Variants in OR10G7 observed in about 807,000 individuals in gnomAD.
The protein encoded by OR10G7 is olfactory receptor 10G7.
For synonymous variants in OR10G7, 165 were observed against 167.4 expected, an observed-to-expected ratio of 0.99 and a Z score of 0.11; for missense variants, 338 against 382.1, an observed-to-expected ratio of 0.88 and a Z score of 0.96.
Position 124,036,840 on chromosome 11 carries a change from C to T in OR10G7, c.*1226G>A, listed in dbSNP as rs541354221. 1 of 152,232 alleles carries T rather than the reference C, an allele frequency of 6.6e-6. No homozygotes were observed. Among genetic ancestry groups the T allele is most frequent in the Non-Finnish European group, 1.5e-5 (1 of 68,002 alleles). 9.4% of individuals were successfully genotyped at this position (152,232 alleles called of 1,614,324 possible). ...AGTATGTTTTTCTTCTCAATATCACCGCACAGTTTACTTGGAGCAAGATAT... is the reference window on the plus strand; with the variant it reads ...AGTATGTTTTTCTTCTCAATATCACTGCACAGTTTACTTGGAGCAAGATAT... On this transcript the variant is annotated 3_prime_UTR_variant, in exon 2 of 2. Transcript: ENST00000641585.
At position 124,038,364 on chromosome 11, in the gene OR10G7, A is replaced by G. The variant is rs573282156; in HGVS notation, c.638T>C (p.Ile213Thr). 27 of 1,614,176 alleles carry G rather than the reference A, an allele frequency of 1.7e-5. No homozygotes were observed. The Admixed American group carries it at 2.2e-4, about 13-fold the overall frequency. The change falls in exon 2 of 2, where the codon ATA becomes ACA. Residue 213 changes from isoleucine to threonine, a missense_variant. Coordinates refer to ENST00000641585, the MANE Select transcript of OR10G7 (RefSeq NM_001004463.2). ...GLVASGCFVL[I>T]VLSYVSIVCS... ...GACGATGGACACATAGGACAGCACT[A>G]TCAGGACAAAGCAGCCCGAGGCCAC...
Position 124,037,997 on chromosome 11 carries a change from G to T in OR10G7, c.*69C>A. 1 of 987,458 alleles carries T rather than the reference G, an allele frequency of 1.0e-6. No homozygotes were observed. Among genetic ancestry groups the T allele is most frequent in the Non-Finnish European group, 1.5e-6 (1 of 671,334 alleles). 61.2% of individuals were successfully genotyped at this position (987,458 alleles called of 1,614,324 possible). On this transcript the variant is annotated 3_prime_UTR_variant, in exon 2 of 2. Coordinates refer to ENST00000641585, the MANE Select transcript of OR10G7 (RefSeq NM_001004463.2). ...TTGAAATGCTCCATTCAAGTATAAT[G>T]CTTATGTTGAAGGTTTAATTTAATT... is the stretch of plus-strand genomic sequence containing the variant.
chr11:124,040,632 C>T (rs565811110), intron 1 of OR10G7, among the ~76,000 whole-genome samples: 72 of 152,160 alleles, frequency 4.7e-4, no homozygotes, highest in Non-Finnish European at 8.2e-4. Flanking sequence ...GAGTTGGAAA[C>T]TCAGAGTTGC....
rs1864198271 is a variant in OR10G7 at position 124,037,131 on chromosome 11, C to A, written c.*935G>T. The A allele has an allele frequency of 6.6e-6, 1 of 152,156 alleles. No individual in the cohort carries two copies. Among genetic ancestry groups the A allele is most frequent in the Non-Finnish European group, 1.5e-5 (1 of 68,026 alleles). 9.4% of individuals were successfully genotyped at this position (152,156 alleles called of 1,614,324 possible). A position where few individuals can be genotyped will look rare whatever the true frequency, so the allele number is the denominator to read the frequency against. ...TATAAGGTTCATGGTCTGAGCCTTA[C>A]CTACCCAGAGAGTGTACAGAGTCCA... On this transcript the variant is annotated 3_prime_UTR_variant, in exon 2 of 2. Coordinates refer to ENST00000641585, the MANE Select transcript of OR10G7 (RefSeq NM_001004463.2).
At position 124,038,288 on chromosome 11, in the gene OR10G7, C is replaced by G; in HGVS notation, c.714G>C (p.Gln238His). ...CCACGATACAGTGGGAGGCACAGGT[C>G]TGAAAGGCTCTGTGCCTCCCCTCTG... ...RTSEGRHRAF[Q>H]TCASHCIVVL... is the part of the protein sequence containing the mutation. The change falls in exon 2 of 2, where the codon CAG becomes CAC. Residue 238 changes from glutamine to histidine, a missense_variant. Transcript: ENST00000641585. 1 of 1,614,100 alleles carries G rather than the reference C, an allele frequency of 6.2e-7. No individual in the cohort carries two copies. Among genetic ancestry groups the G allele is most frequent in the Non-Finnish European group, 8.5e-7 (1 of 1,180,032 alleles).
rs555381519 is a variant in OR10G7, at chr11:124,040,734, A to G, written c.-21+152T>C. 1.2e-3 allele frequency among the ~76,000 whole-genome samples: 188 copies of G among 152,264 alleles called. 1 individual carries two copies. The highest frequency in any genetic ancestry group is 4.4e-3 in the African/African-American group (184 of 41,504). ...AGAACCACAAAAAGTTGGCTCTGTA[A>G]GTCATGACTAAGATAATCTAGCTTC... On this transcript the variant is annotated intron_variant, in intron 1 of 1. Coordinates refer to ENST00000641585, the MANE Select transcript of OR10G7 (RefSeq NM_001004463.2).
rs916749296 is a variant in OR10G7, at chr11:124,037,004, A to G, written c.*1062T>C. On this transcript the variant is annotated 3_prime_UTR_variant, in exon 2 of 2. Transcript: ENST00000641585. ...TTTTACTCTTCATGCTATGCTAGGCAGAGTTGGCATGACCAGGATACCTGT... is the reference window on the plus strand; with the variant it reads ...TTTTACTCTTCATGCTATGCTAGGCGGAGTTGGCATGACCAGGATACCTGT... 7 of 152,228 alleles carry G rather than the reference A, an allele frequency of 4.6e-5. No individual in the cohort carries two copies. Among genetic ancestry groups the G allele is most frequent in the Admixed American group, 4.6e-4 (7 of 15,282 alleles). The allele number at this position is 152,228 out of a possible 1,614,324, so 9.4% of individuals were successfully genotyped here. A position where few individuals can be genotyped will look rare whatever the true frequency, so the allele number is the denominator to read the frequency against.
chr11:124,039,129 T>C, intron 1 of OR10G7, 108 bp from the exon 2 acceptor site: 2 of 1,139,450 alleles, frequency 1.8e-6, no homozygotes, highest in Non-Finnish European at 1.2e-6. Flanking sequence ...AATTATTTTT[T>C]ATATTTTATA....
At chr11:124,039,412 C>A (rs969325320) in intron 1 of OR10G7, among the ~76,000 whole-genome samples, 2 of 152,076 alleles carry the variant, frequency 1.3e-5, no homozygotes, top group Non-Finnish European at 2.9e-5. Context: ...TATAGATACG[C>A]ATGCACACAC....
In OR10G7 at chr11:124,040,569, G is replaced by T. The variant is rs192675475; in HGVS notation, c.-21+317C>A. Among the ~76,000 whole-genome samples, 15 of 146,270 alleles carry T rather than the reference G, an allele frequency of 1.0e-4. No homozygotes were observed. In the East Asian group the frequency reaches 1.9e-3, roughly 19 times the overall value. ...CATAAATCAGCAATACATTTTTTGT[G>T]GGGGGGGCTCTGACAGAAGCAGACT... On this transcript the variant is annotated intron_variant, in intron 1 of 1. Transcript: ENST00000641585.
intron 1 of OR10G7, among the ~76,000 whole-genome samples, chr11:124,039,885 A>G (rs1864229394): frequency 6.6e-6 from 1 of 151,986 alleles, no homozygotes; most frequent in Non-Finnish European, 1.5e-5. Context: ...TCTAACTAAG[A>G]TCCTCCCCCT....
rs1358369408 is a variant in OR10G7 at position 124,041,207 on chromosome 11, A to G, written c.-342T>C. 1 of 152,154 alleles carries G rather than the reference A, an allele frequency of 6.6e-6. No homozygotes were observed. The highest frequency in any genetic ancestry group is 1.5e-5 in the Non-Finnish European group (1 of 68,042). 9.4% of individuals were successfully genotyped at this position (152,154 alleles called of 1,614,324 possible). Reference sequence around the variant, plus strand: ...TAGCCAAAAATCAACTTCCAAAATGAATAACTATGACACTCTGGATCTGAA... The same window carrying G: ...TAGCCAAAAATCAACTTCCAAAATGGATAACTATGACACTCTGGATCTGAA... On this transcript the variant is annotated 5_prime_UTR_variant, in exon 1 of 2. Transcript: ENST00000641585.
At position 124,041,009 on chromosome 11, in the gene OR10G7, TA is replaced by T. The variant is rs566445532; in HGVS notation, c.-145del. 1.1e-3 allele frequency: 162 copies of T among 152,280 alleles called. No homozygotes were observed. The highest frequency in any genetic ancestry group is 3.7e-3 in the African/African-American group (154 of 41,526). 9.4% of individuals were successfully genotyped at this position (152,280 alleles called of 1,614,324 possible). ...ATGAAACCACAGAAGAAACTCTTTT[TA>T]AATAGAACTTAATATGAATTTGATG... On this transcript the variant is annotated 5_prime_UTR_variant, in exon 1 of 2. It introduces an in-frame stop codon into an upstream open reading frame of the 5' UTR. Transcript: ENST00000641585.
In OR10G7 at chr11:124,036,185, C is replaced by T. The variant is rs993203850; in HGVS notation, c.*1881G>A. 1.3e-5 allele frequency: 2 copies of T among 152,188 alleles called. No individual in the cohort carries two copies. The highest frequency in any genetic ancestry group is 4.8e-5 in the African/African-American group (2 of 41,452). The allele number at this position is 152,188 out of a possible 1,614,324, so 9.4% of individuals were successfully genotyped here. A position where few individuals can be genotyped will look rare whatever the true frequency, so the allele number is the denominator to read the frequency against. ...TTGGGGGAAACTGGGCAAGGTATAA[C>T]AAGAACTATCACTGTGTTATTTCTT... is the stretch of plus-strand genomic sequence containing the variant. On this transcript the variant is annotated 3_prime_UTR_variant, in exon 2 of 2. Coordinates refer to ENST00000641585, the MANE Select transcript of OR10G7 (RefSeq NM_001004463.2).
chr11:124,037,945 G>T lies in OR10G7; in HGVS notation c.*121C>A. On this transcript the variant is annotated 3_prime_UTR_variant, in exon 2 of 2. Coordinates refer to ENST00000641585, the MANE Select transcript of OR10G7 (RefSeq NM_001004463.2). ...GAAAAAAATGAAAAATTAATTAACT[G>T]TCCAATTAAAAATTAAGACTGAATA... 1 of 659,410 alleles carries T rather than the reference G, an allele frequency of 1.5e-6. No individual in the cohort carries two copies. The highest frequency in any genetic ancestry group is 2.4e-6 in the Non-Finnish European group (1 of 415,318). The allele number at this position is 659,410 out of a possible 1,614,324, so 40.8% of individuals were successfully genotyped here.
Position 124,038,621 on chromosome 11 carries a change from G to A in OR10G7, c.381C>T (p.Tyr127=), listed in dbSNP as rs369766733. ...TCATCATGTTGGTGTACCTGAGCGG[G>A]TAACTGATGGCCAGGTAGCGATCAT... is the stretch of plus-strand genomic sequence containing the variant. ...MSYDRYLAIS[Y]PLRYTNMMTG... The change falls in exon 2 of 2, where the codon TAC becomes TAT. Residue 127 remains tyrosine (Y), a synonymous_variant. Coordinates refer to ENST00000641585, the MANE Select transcript of OR10G7 (RefSeq NM_001004463.2). 68 of 1,613,876 alleles carry A rather than the reference G, an allele frequency of 4.2e-5. No homozygotes were observed. Among genetic ancestry groups the A allele is most frequent in the Non-Finnish European group, 5.4e-5 (64 of 1,179,984 alleles).
In OR10G7 at chr11:124,038,087, T is replaced by C. The variant is rs754592994; in HGVS notation, c.915A>G (p.Ser305=). The change falls in exon 2 of 2, where the codon TCA becomes TCG. Residue 305 remains serine, a synonymous_variant. Coordinates refer to ENST00000641585, the MANE Select transcript of OR10G7 (RefSeq NM_001004463.2). Reference sequence around the variant, plus strand: ...TTAACTATTCACCCTGAGCAAATACTGACCCATTTTTCAGCTTCAACAGAG... The same window carrying C: ...TTAACTATTCACCCTGAGCAAATACCGACCCATTTTTCAGCTTCAACAGAG... ...KKALLKLKNG[S]VFAQGE is the part of the protein sequence containing the mutation. The C allele has an allele frequency of 4.3e-6, 7 of 1,612,392 alleles. No individual in the cohort carries two copies. Among genetic ancestry groups the C allele is most frequent in the East Asian group, 4.5e-5 (2 of 44,886 alleles).
Position 124,038,875 on chromosome 11 carries a change from T to G in OR10G7, c.127A>C (p.Ile43Leu). The part of the protein sequence containing the change: ...YVLTVLGNLL[I>L]LLVIRVDSHL... ...GAATCCACCCTGATCACCAGCAGGA[T>G]GAGGAGGTTCCCCAGCACAGTGAGC... The change falls in exon 2 of 2, where the codon ATC (isoleucine) becomes CTC (leucine). Residue 43 changes from isoleucine (I) to leucine (L), a missense_variant. Ile to Leu is a conservative substitution (Grantham distance 5). Transcript: ENST00000641585. 6.2e-7 allele frequency: 1 copy of G among 1,613,646 alleles called. No individual in the cohort carries two copies. The highest frequency in any genetic ancestry group is 8.5e-7 in the Non-Finnish European group (1 of 1,179,800).
chr11:124,039,528 C>G (rs189655323), intron 1 of OR10G7, among the ~76,000 whole-genome samples: 5 of 152,146 alleles, frequency 3.3e-5, no homozygotes, highest in Admixed American at 2.0e-4. Context: ...CTAAAGCAAG[C>G]TTCATTCTGG....
Sources: gnomAD v4.1 joint callset for allele counts (sites outside exome capture counted in the v4.1 genomes callset) on GRCh38, gnomAD v4.1.1 for gene constraint, MANE v1.5 for transcripts, NCBI Gene and HGNC (gene_info 2026-07-23, HGNC 2026-07-21) for gene names.